GPC5: variants seen among roughly 807,000 people sequenced by gnomAD.
The protein encoded by GPC5 is glypican 5, also known as glypican-5.
In GPC5, 47 loss-of-function variants were observed where a neutral mutation model predicts 53.9. The observed-to-expected ratio is 0.87, with a 90% CI of 0.69 to 1.11. The LOEUF (loss-of-function observed/expected upper bound fraction) is 1.11, where lower values mean the gene tolerates loss of function less well. GPC5 is among the 50% of genes most tolerant of loss of function. GPC5 has a pLI of 0.00. For missense variants in GPC5, 748 were observed against 713.1 expected, an observed-to-expected ratio of 1.05 and a Z score of -0.56; for synonymous variants, 286 against 263.3, an observed-to-expected ratio of 1.09 and a Z score of -0.84.
intron 5 of GPC5, among the ~76,000 whole-genome samples, chr13:91,797,234 C>T (rs554262241): frequency 6.6e-6 from 1 of 152,248 alleles, no homozygotes; most frequent in South Asian, 2.1e-4. Context: ...TGTGTACTCT[C>T]ATTTTAATAT....
At chr13:92,111,604 A>C (rs1261863883) in intron 6 of GPC5, among the ~76,000 whole-genome samples, 3 of 152,210 alleles carry the variant, frequency 2.0e-5, no homozygotes, top group Admixed American at 2.0e-4. Context: ...TGAAACATCA[A>C]CAATGCTATC....
At chr13:91,789,386 G>T (rs1042643290) in intron 5 of GPC5, among the ~76,000 whole-genome samples, 21 of 152,002 alleles carry the variant, frequency 1.4e-4, no homozygotes, top group Non-Finnish European at 3.1e-4. Context: ...AAATAATATT[G>T]GTATGGCTGC....
intron 7 of GPC5, among the ~76,000 whole-genome samples, chr13:92,827,305 A>G (rs566126724): frequency 7.9e-5 from 12 of 152,302 alleles, no homozygotes; most frequent in African/African-American, 2.4e-4. Context: ...TTTTAAAAGT[A>G]TATCCTTGTG....
intron 7 of GPC5, among the ~76,000 whole-genome samples, chr13:92,730,332 G>A (rs929745404): frequency 6.6e-6 from 1 of 151,274 alleles, no homozygotes; most frequent in Non-Finnish European, 1.5e-5. Context: ...CACAAGAACT[G>A]TAATAAATTT....
At chr13:92,741,217 CA>C (rs1889081993) in intron 7 of GPC5, among the ~76,000 whole-genome samples, 2 of 150,838 alleles carry the variant, frequency 1.3e-5, no homozygotes, top group Admixed American at 6.7e-5. Context: ...GCAGAACGGG[CA>C]TTCATGAGGT....
At chr13:92,440,971 A>G (rs577094424) in intron 7 of GPC5, among the ~76,000 whole-genome samples, 1 of 152,152 alleles carries the variant, frequency 6.6e-6, no homozygotes, top group African/African-American at 2.4e-5. Context: ...TTGGATGCAG[A>G]GTGTGGGAGT....
At chr13:92,268,129 G>T (rs753241214) in intron 7 of GPC5, among the ~76,000 whole-genome samples, 16 of 151,288 alleles carry the variant, frequency 1.1e-4, no homozygotes, top group Non-Finnish European at 1.9e-4. Context: ...AAAAAAAATC[G>T]CAAATGATTC....
chr13:92,117,338 C>A (rs746404633), intron 6 of GPC5, among the ~76,000 whole-genome samples: 1 of 152,106 alleles, frequency 6.6e-6, no homozygotes, highest in Non-Finnish European at 1.5e-5. Context: ...CTGTTCCATT[C>A]TGTTTCTTTT....
chr13:91,419,475 A>G (rs147594979), intron 1 of GPC5, among the ~76,000 whole-genome samples: 3 of 152,330 alleles, frequency 2.0e-5, no homozygotes, highest in African/African-American at 7.2e-5. Flanking sequence ...TATTACAAAG[A>G]ATAATCCAGT....
At chr13:91,664,448 A>G (rs1002055235) in intron 2 of GPC5, among the ~76,000 whole-genome samples, 1 of 152,186 alleles carries the variant, frequency 6.6e-6, no homozygotes, top group African/African-American at 2.4e-5. Flanking sequence ...CATCACCTCC[A>G]TGACTGTCTA....
intron 7 of GPC5, among the ~76,000 whole-genome samples, chr13:92,504,024 GTTTAC>G (rs1281617163): frequency 1.3e-5 from 2 of 151,678 alleles, no homozygotes; most frequent in African/African-American, 4.8e-5. Context: ...TTGTTTCTTT[GTTTAC>G]TTTGTTTTGT....
At chr13:92,346,343 G>C (rs925567857) in intron 7 of GPC5, among the ~76,000 whole-genome samples, 2 of 152,160 alleles carry the variant, frequency 1.3e-5, no homozygotes, top group South Asian at 4.1e-4. Flanking sequence ...TTCCTAGCCT[G>C]AATAGAAGGG....
In GPC5 at chr13:92,209,901, G is replaced by A. The variant is rs569939468; in HGVS notation, c.1561+64912G>A. 9.9e-5 allele frequency among the ~76,000 whole-genome samples: 15 copies of A among 152,252 alleles called. 2 individuals carry two copies. The South Asian group carries it at 2.9e-3, about 30-fold the overall frequency. On this transcript the variant is annotated intron_variant, in intron 7 of 7. Coordinates refer to ENST00000377067, the MANE Select transcript of GPC5 (RefSeq NM_004466.6). ...AGCTGAGGAGGAAAGATGCCAGTCT[G>A]AGTCCCAAAGATGAAGAGCTTGGAG...
At position 92,008,366 on chromosome 13, in the gene GPC5, A is replaced by G. The variant is rs926547310; in HGVS notation, c.1401+100309A>G. Among the ~76,000 whole-genome samples, 3 of 151,916 alleles carry G rather than the reference A, an allele frequency of 2.0e-5. No individual in the cohort carries two copies. In the East Asian group the frequency reaches 5.8e-4, roughly 29 times the overall value. ...CGTGAGCCACTGCTCCCGGCCGAAA[A>G]TGTTTTATATTTACCTACAGATTGA... On this transcript the variant is annotated intron_variant, in intron 6 of 7. Transcript: ENST00000377067.
Position 91,706,255 on chromosome 13 carries a change from G to C in GPC5, c.1020+12374G>C, listed in dbSNP as rs572627370. 5.3e-5 allele frequency among the ~76,000 whole-genome samples: 8 copies of C among 151,738 alleles called. No individual in the cohort carries two copies. The South Asian group carries it at 1.7e-3, about 32-fold the overall frequency. On this transcript the variant is annotated intron_variant, in intron 3 of 7. Transcript: ENST00000377067. ...GACCATACTAAGATCTGTAAAGTTA[G>C]ATTTAATTTACAGAAGATTGATAAG...
chr13:92,780,343 T>G (rs1243140953), intron 7 of GPC5, among the ~76,000 whole-genome samples: 2 of 150,718 alleles, frequency 1.3e-5, no homozygotes, highest in African/African-American at 4.9e-5. Flanking sequence ...CTTAATATAA[T>G]TAAGTGTAAT....
chr13:91,693,142 A>G lies in GPC5; in HGVS notation c.326-45A>G, dbSNP rs760211318. The G allele has an allele frequency of 8.6e-6, 12 of 1,389,970 alleles. No homozygotes were observed. The African/African-American group carries it at 1.3e-4, about 15-fold the overall frequency. The allele number at this position is 1,389,970 out of a possible 1,614,324, so 86.1% of individuals were successfully genotyped here. A position where few individuals can be genotyped will look rare whatever the true frequency, so the allele number is the denominator to read the frequency against. ...TCTGGAGCAGATGGACGGTGTTAGC[A>G]TGAATACTAAACCTTCTCATGTTTT... On this transcript the variant is annotated intron_variant, in intron 2 of 7. Coordinates refer to ENST00000377067, the MANE Select transcript of GPC5 (RefSeq NM_004466.6).
At chr13:91,756,247 T>C in intron 4 of GPC5, 48 bp from the exon 5 acceptor site, 1 of 1,409,980 alleles carries the variant, frequency 7.1e-7, no homozygotes, top group Non-Finnish European at 9.5e-7. Context: ...TTGATGGCCT[T>C]TATTGTGGAT....
At chr13:92,650,470 C>T (rs9516110) in intron 7 of GPC5, among the ~76,000 whole-genome samples, 128,936 of 152,036 alleles carry the variant, frequency 0.85, 55,750 homozygotes, top group Non-Finnish European at 0.94. Flanking sequence ...CCAATTTTAG[C>T]TCAAATTTAA....
Sources: gnomAD v4.1 joint callset for allele counts (sites outside exome capture counted in the v4.1 genomes callset) on GRCh38, gnomAD v4.1.1 for gene constraint, MANE v1.5 for transcripts, NCBI Gene and HGNC (gene_info 2026-07-23, HGNC 2026-07-21) for gene names.